Variants in EYA4 observed in about 807,000 individuals in gnomAD.
EYA4 encodes EYA transcriptional coactivator and phosphatase 4.
EYA4 carries 31 observed loss-of-function variants against 87.9 expected under a neutral mutation model. That is an observed-to-expected ratio of 0.35 (90% CI 0.27 to 0.48). EYA4 has a LOEUF of 0.48. Among genes scored for constraint, EYA4 ranks in the 20% least tolerant of loss-of-function variants. The pLI is 0.99. For missense variants in EYA4, 678 were observed against 761.4 expected (o/e 0.89, Z 1.29); for synonymous variants, 263 against 270.6 (o/e 0.97, Z 0.28).
intron 17 of EYA4, 32 bp downstream of exon 17, chr6:133,515,467 C>A (rs762512965): frequency 8.4e-6 from 10 of 1,194,634 alleles, no homozygotes; most frequent in East Asian, 4.7e-5. Flanking sequence ...CTATGTGTAT[C>A]GTATTGAAGA....
intron 3 of EYA4, among the ~76,000 whole-genome samples, chr6:133,401,419 A>G (rs1194795621): frequency 6.6e-6 from 1 of 152,224 alleles, no homozygotes; most frequent in Non-Finnish European, 1.5e-5. Context: ...CCTAGCATAA[A>G]GAAAATACAA....
chr6:133,502,308 C>A (rs560247509), intron 13 of EYA4: 1 of 152,154 alleles, frequency 6.6e-6, no homozygotes, highest in African/African-American at 2.4e-5. Context: ...TTTGCTATCA[C>A]CTCATTTTAG....
At chr6:133,262,836 G>T (rs995966428) in intron 1 of EYA4, among the ~76,000 whole-genome samples, 9 of 152,128 alleles carry the variant, frequency 5.9e-5, no homozygotes, top group African/African-American at 2.2e-4. Flanking sequence ...TTGTAGGTTG[G>T]CTCCATTTAA....
At chr6:133,301,397 C>T (rs1779395558) in intron 2 of EYA4, among the ~76,000 whole-genome samples, 1 of 152,156 alleles carries the variant, frequency 6.6e-6, no homozygotes. Flanking sequence ...CCAGGTTTTT[C>T]CCTTGATGCA....
intron 1 of EYA4, among the ~76,000 whole-genome samples, chr6:133,253,189 G>T (rs901178519): frequency 6.6e-6 from 1 of 152,104 alleles, no homozygotes; most frequent in Non-Finnish European, 1.5e-5. Context: ...GGTGGAGGCC[G>T]TTCTCGGGGA....
chr6:133,529,184 C>A lies in EYA4; in HGVS notation c.*379C>A, dbSNP rs1025660001. On this transcript the variant is annotated 3_prime_UTR_variant, in exon 20 of 20. Transcript: ENST00000355286. ...CATTCCTCAAAATGGGAGATCTTCT[C>A]AGCCCTGAGGTTTGAATCTGACTTT... is the stretch of plus-strand genomic sequence containing the variant. 8.9e-5 allele frequency: 104 copies of A among 1,170,472 alleles called. 1 individual carries two copies. Among genetic ancestry groups the A allele is most frequent in the African/African-American group, 1.6e-5 (1 of 62,362 alleles). 72.5% of individuals were successfully genotyped at this position (1,170,472 alleles called of 1,614,324 possible).
chr6:133,256,059 T>G (rs1381704469), intron 1 of EYA4, among the ~76,000 whole-genome samples: 1 of 151,902 alleles, frequency 6.6e-6, no homozygotes, highest in African/African-American at 2.4e-5. Context: ...GTGCAAAAAT[T>G]TCAACTTAAT....
rs1160835669 is a variant in EYA4, at chr6:133,409,838, ATCTT to A, written c.83+27400_83+27403del. ...TTATTAAGAGTATGGATGTTAGAAA[ATCTT>A]TCACAAAAAAGAAAGGTGACTGTGA... On this transcript the variant is annotated intron_variant, in intron 3 of 19. Transcript: ENST00000355286. 2.0e-5 allele frequency among the ~76,000 whole-genome samples: 3 copies of A among 152,264 alleles called. No homozygotes were observed. The East Asian group carries it at 5.8e-4, about 29-fold the overall frequency.
intron 1 of EYA4, among the ~76,000 whole-genome samples, chr6:133,260,125 T>A (rs553294330): frequency 6.6e-6 from 1 of 152,232 alleles, no homozygotes; most frequent in Admixed American, 6.5e-5. Context: ...TGTGTCTGTT[T>A]TAAGTATACC....
At chr6:133,281,105 T>C (rs1162181014) in intron 2 of EYA4, among the ~76,000 whole-genome samples, 2 of 152,200 alleles carry the variant, frequency 1.3e-5, no homozygotes, top group Non-Finnish European at 2.9e-5. Flanking sequence ...CTTCTATTTA[T>C]ACTCTTTAAA....
intron 2 of EYA4, among the ~76,000 whole-genome samples, chr6:133,277,153 G>A (rs555611079): frequency 1.5e-4 from 23 of 152,310 alleles, no homozygotes; most frequent in African/African-American, 4.6e-4. Context: ...TTTGGGTGTA[G>A]ACATAGCAGT....
chr6:133,452,912 C>T (rs1260576033), intron 5 of EYA4: 1 of 152,042 alleles, frequency 6.6e-6, no homozygotes. Context: ...CAACCTAGGA[C>T]ATTAAAATAT....
intron 2 of EYA4, among the ~76,000 whole-genome samples, chr6:133,344,138 A>G (rs1783021883): frequency 1.3e-5 from 2 of 152,198 alleles, no homozygotes; most frequent in Admixed American, 6.5e-5. Flanking sequence ...AAGGCTGGAC[A>G]TGTTTTAAAC....
chr6:133,510,972 A>G (rs185238231), intron 14 of EYA4, among the ~76,000 whole-genome samples: 3 of 152,210 alleles, frequency 2.0e-5, no homozygotes. Context: ...ACTCCAGGGC[A>G]CTTCCAGTCA....
At chr6:133,374,088 A>G (rs1785483696) in intron 2 of EYA4, among the ~76,000 whole-genome samples, 1 of 152,118 alleles carries the variant, frequency 6.6e-6, no homozygotes, top group African/African-American at 2.4e-5. Flanking sequence ...ATAAGGAGAA[A>G]ACGTGCTTTG....
In EYA4 at chr6:133,529,105, C is replaced by G; in HGVS notation, c.*300C>G. 1 of 1,186,074 alleles carries G rather than the reference C, an allele frequency of 8.4e-7. No individual in the cohort carries two copies. Among genetic ancestry groups the G allele is most frequent in the Non-Finnish European group, 1.1e-6 (1 of 948,202 alleles). The allele number at this position is 1,186,074 out of a possible 1,614,324, so 73.5% of individuals were successfully genotyped here. A position where few individuals can be genotyped will look rare whatever the true frequency, so the allele number is the denominator to read the frequency against. ...GAATGAGCAGCTTTAGCAAAGAACTCTTACCCTGGCAAAGCAGCAACACAC... is the reference window on the plus strand; with the variant it reads ...GAATGAGCAGCTTTAGCAAAGAACTGTTACCCTGGCAAAGCAGCAACACAC... On this transcript the variant is annotated 3_prime_UTR_variant, in exon 20 of 20. Transcript: ENST00000355286.
chr6:133,478,592 A>G (rs1002314199), intron 11 of EYA4, among the ~76,000 whole-genome samples: 4 of 152,194 alleles, frequency 2.6e-5, no homozygotes, highest in African/African-American at 4.8e-5. Context: ...ACAGTGCATG[A>G]CATGTACTAA....
At chr6:133,451,229 T>C (rs1442789431) in intron 5 of EYA4, among the ~76,000 whole-genome samples, 1 of 152,202 alleles carries the variant, frequency 6.6e-6, no homozygotes, top group Non-Finnish European at 1.5e-5. Flanking sequence ...AATGTTCATG[T>C]CACAAAATAT....
At chr6:133,409,907 A>G (rs1184331306) in intron 3 of EYA4, among the ~76,000 whole-genome samples, 1 of 152,210 alleles carries the variant, frequency 6.6e-6, no homozygotes, top group Non-Finnish European at 1.5e-5. Flanking sequence ...TTTACTAAGT[A>G]TATGTGTATG....
Sources: gnomAD v4.1 joint callset for allele counts (sites outside exome capture counted in the v4.1 genomes callset) on GRCh38, gnomAD v4.1.1 for gene constraint, MANE v1.5 for transcripts, NCBI Gene and HGNC (gene_info 2026-07-23, HGNC 2026-07-21) for gene names.